AFDN: variants seen among roughly 807,000 people sequenced by gnomAD.
AFDN encodes the protein afadin.
Under a neutral mutation model 216.6 loss-of-function variants are expected in AFDN, and 68 were observed. The observed-to-expected ratio is 0.31, with a 90% CI of 0.26 to 0.38. The LOEUF (loss-of-function observed/expected upper bound fraction) is 0.38. Among genes scored for constraint, AFDN ranks in the 10% least tolerant of loss-of-function variants. The pLI is 1.00. For synonymous variants in AFDN, 868 were observed against 853.7 expected (o/e 1.02, Z -0.29); for missense variants, 2,136 against 2,342.0 (o/e 0.91, Z 1.82).
chr6:167,912,845 A>AGT (rs1361065284), intron 15 of AFDN, among the ~76,000 whole-genome samples: 2 of 152,238 alleles, frequency 1.3e-5, no homozygotes. Flanking sequence ...GAACTGTGGT[A>AGT]GTGAATAATT....
At chr6:167,961,260 A>G (rs1320916250) in intron 30 of AFDN, among the ~76,000 whole-genome samples, 2 of 152,234 alleles carry the variant, frequency 1.3e-5, no homozygotes, top group Admixed American at 6.5e-5. Context: ...TCCTATAAAT[A>G]TTGATTACTT....
At chr6:167,913,283 AATGTCGTACCTTC>A (rs1321239215) in intron 15 of AFDN, 107 bp from the exon 16 acceptor site, 43 of 947,444 alleles carry the variant, frequency 4.5e-5, no homozygotes, top group Non-Finnish European at 2.9e-5. Flanking sequence ...AACATAACTA[AATGTCGTACCTTC>A]ATGTCGTACC....
intron 8 of AFDN, among the ~76,000 whole-genome samples, chr6:167,892,116 A>G (rs1219591670): frequency 2.0e-5 from 3 of 152,166 alleles, no homozygotes; most frequent in Non-Finnish European, 1.5e-5. Flanking sequence ...AAGTGATGGT[A>G]TCATTTTGAT....
Position 167,890,815 on chromosome 6 carries a change from C to T in AFDN, c.1010-47C>T, listed in dbSNP as rs1046374367. ...GTTGACTGCCAGTCAGCGGGCCATC[C>T]TGACCAACCTGAGTCTGCCTGATGA... On this transcript the variant is annotated intron_variant, in intron 7 of 33. Transcript: ENST00000683244. 1.9e-6 allele frequency: 3 copies of T among 1,588,900 alleles called. No individual in the cohort carries two copies. In the African/African-American group the frequency reaches 4.1e-5, roughly 21 times the overall value.
At chr6:167,902,744 G>A (rs1024665065) in intron 12 of AFDN, among the ~76,000 whole-genome samples, 4 of 152,038 alleles carry the variant, frequency 2.6e-5, no homozygotes, top group Admixed American at 1.3e-4. Flanking sequence ...ACCTGTTTTC[G>A]GACTGCAGCT....
intron 31 of AFDN, chr6:167,964,583 A>G (rs1797346091): frequency 9.4e-7 from 1 of 1,062,952 alleles, no homozygotes; most frequent in Admixed American, 5.4e-5. Context: ...TTCTCCCTCA[A>G]AAGGTGAAGG....
intron 7 of AFDN, among the ~76,000 whole-genome samples, chr6:167,889,553 C>G (rs1481632993): frequency 6.9e-6 from 1 of 145,574 alleles, no homozygotes; most frequent in East Asian, 2.0e-4. Flanking sequence ...CCTGCCTCAG[C>G]CTCCCGAATA....
intron 30 of AFDN, among the ~76,000 whole-genome samples, chr6:167,955,498 T>C (rs184189785): frequency 3.9e-5 from 6 of 152,290 alleles, no homozygotes; most frequent in East Asian, 3.9e-4. Context: ...CTGGAAGATA[T>C]TGATCAGAGT....
rs374350406 is a variant in AFDN at position 167,895,950 on chromosome 6, C to T, written c.1223-928C>T. Among the ~76,000 whole-genome samples the T allele has an allele frequency of 2.0e-4, 31 of 152,286 alleles. No individual in the cohort carries two copies. In the South Asian group the frequency reaches 5.4e-3, roughly 26 times the overall value. On this transcript the variant is annotated intron_variant, in intron 9 of 33. Transcript: ENST00000683244. ...CCATGGCTATGGTGCAGGTGCTAAG[C>T]TCTGCAGTTACATCATCATTCATGG...
intron 1 of AFDN, among the ~76,000 whole-genome samples, chr6:167,860,784 G>A (rs1225221212): frequency 2.6e-5 from 4 of 152,168 alleles, no homozygotes; most frequent in African/African-American, 7.2e-5. Flanking sequence ...GAGCTGCCTC[G>A]GAGTCCCTCG....
intron 1 of AFDN, among the ~76,000 whole-genome samples, chr6:167,844,367 G>A (rs545961709): frequency 9.7e-4 from 148 of 152,194 alleles, no homozygotes; most frequent in African/African-American, 3.4e-3. Context: ...AAATTGGATC[G>A]TAGGATATAC....
chr6:167,899,838 T>A (rs539918812), intron 11 of AFDN, among the ~76,000 whole-genome samples: 1 of 152,362 alleles, frequency 6.6e-6, no homozygotes, highest in South Asian at 2.1e-4. Flanking sequence ...ATATTTCTTG[T>A]GACATGTGTT....
intron 11 of AFDN, among the ~76,000 whole-genome samples, chr6:167,901,838 T>C (rs918995660): frequency 4.0e-5 from 6 of 151,820 alleles, no homozygotes; most frequent in African/African-American, 1.5e-4. Flanking sequence ...ATGCCTGTAA[T>C]CCCCAGCACT....
chr6:167,910,930 C>T (rs1378554326), intron 13 of AFDN, among the ~76,000 whole-genome samples, 171 bp from the exon 14 acceptor site: 1 of 152,098 alleles, frequency 6.6e-6, no homozygotes, highest in African/African-American at 2.4e-5. Flanking sequence ...AGATCACTCC[C>T]AATGCATTAT....
rs1326998277 is a variant in AFDN at position 167,970,084 on chromosome 6, G to A, written c.*149G>A. The A allele has an allele frequency of 1.4e-4, 93 of 646,136 alleles. No homozygotes were observed. The East Asian group carries it at 2.8e-3, about 20-fold the overall frequency. The allele number at this position is 646,136 out of a possible 1,614,324, so 40.0% of individuals were successfully genotyped here. ...TCTAAAATTGTTGGGATTTAGAAAT[G>A]TTTCAATTCCAAGAAATTTTATTTT... On this transcript the variant is annotated 3_prime_UTR_variant, in exon 34 of 34. Coordinates refer to ENST00000683244, the MANE Select transcript of AFDN (RefSeq NM_001386888.1).
chr6:167,950,384 ATT>A (rs1795826248), intron 29 of AFDN, among the ~76,000 whole-genome samples: 1 of 134,340 alleles, frequency 7.4e-6, no homozygotes, highest in African/African-American at 2.8e-5. Flanking sequence ...AAGTATACTC[ATT>A]TTTCTCTGTG....
chr6:167,828,817 A>C (rs1779513737), intron 1 of AFDN, among the ~76,000 whole-genome samples: 1 of 149,148 alleles, frequency 6.7e-6, no homozygotes, highest in African/African-American at 2.5e-5. Context: ...GGTGGAAAGG[A>C]ATCTTTTTTC....
intron 30 of AFDN, among the ~76,000 whole-genome samples, chr6:167,961,776 C>T (rs973205613): frequency 1.3e-5 from 2 of 152,176 alleles, no homozygotes; most frequent in African/African-American, 4.8e-5. Context: ...TCCTTCCCAT[C>T]TCAGGTTCAG....
At position 167,946,800 on chromosome 6, in the gene AFDN, C is replaced by T. The variant is rs1175504656; in HGVS notation, c.3452C>T (p.Pro1151Leu). ...ACTCAAAATGGGTCTCCTGAGAGTC[C>T]TCAGCTGCCTTGGGCAGAATATAGT... The part of the protein sequence containing the change: ...NSTQNGSPES[P>L]QLPWAEYSEP... The change falls in exon 27 of 34, where the codon CCT becomes CTT. Residue 1151 changes from proline to leucine, a missense_variant. Around this residue, in one of 8 missense-constraint regions of AFDN, gnomAD observed 981 missense variants for 966.0 expected, o/e 1.02. Coordinates refer to ENST00000683244, the MANE Select transcript of AFDN (RefSeq NM_001386888.1). 1.9e-6 allele frequency: 3 copies of T among 1,613,406 alleles called. No homozygotes were observed. The highest frequency in any genetic ancestry group is 2.5e-6 in the Non-Finnish European group (3 of 1,179,868).
Sources: allele counts gnomAD v4.1 joint callset (sites outside exome capture counted in the v4.1 genomes callset), GRCh38; gene constraint gnomAD v4.1.1; regional missense constraint gnomAD v4.1.1; transcripts MANE v1.5; gene names NCBI Gene and HGNC (gene_info 2026-07-23, HGNC 2026-07-21).